TSPAN12: variants seen among roughly 807,000 people sequenced by gnomAD.
TSPAN12 encodes the protein tetraspanin-12.
TSPAN12 carries 19 observed loss-of-function variants against 39.2 expected under a neutral mutation model. That is an observed-to-expected ratio of 0.49 (90% CI 0.34 to 0.71). The LOEUF (loss-of-function observed/expected upper bound fraction) is 0.71, where lower values mean the gene tolerates loss of function less well. Ranked by LOEUF, TSPAN12 falls within the 30% of genes least tolerant of loss-of-function variation. The probability of loss-of-function intolerance (pLI) is 0.01; values close to 1 mark genes in which losing one functional copy is unlikely to be tolerated. For missense variants in TSPAN12, 314 were observed against 359.9 expected (o/e 0.87, Z 1.03); for synonymous variants, 119 against 124.8 (o/e 0.95, Z 0.31).
intron 2 of TSPAN12, among the ~76,000 whole-genome samples, chr7:120,847,548 T>C (rs1368306729): frequency 3.3e-5 from 5 of 152,190 alleles, no homozygotes; most frequent in Non-Finnish European, 5.9e-5. Flanking sequence ...AATGGTATAA[T>C]CAATCCTTCA....
Position 120,822,816 on chromosome 7 carries a change from T to C in TSPAN12, c.286-7013A>G, listed in dbSNP as rs147404636. On this transcript the variant is annotated intron_variant, in intron 4 of 7. Transcript: ENST00000222747. ...AGACACTAAAATAGAGAGTCAGGATTGGGGACAGCAGGTATAGTAGATGAC... is the reference window on the plus strand; with the variant it reads ...AGACACTAAAATAGAGAGTCAGGATCGGGGACAGCAGGTATAGTAGATGAC... Among the ~76,000 whole-genome samples, 182 of 152,150 alleles carry C rather than the reference T, an allele frequency of 1.2e-3. 1 individual carries two copies. Among genetic ancestry groups the C allele is most frequent in the African/African-American group, 4.0e-3 (167 of 41,504 alleles).
intron 4 of TSPAN12, among the ~76,000 whole-genome samples, chr7:120,828,700 G>C (rs1584942874): frequency 8.6e-6 from 1 of 116,768 alleles, no homozygotes; most frequent in African/African-American, 3.4e-5. Context: ...AAAACACAAA[G>C]AGAGAACTTT....
intron 2 of TSPAN12, among the ~76,000 whole-genome samples, chr7:120,850,532 G>A (rs895845300): frequency 3.3e-5 from 5 of 152,146 alleles, no homozygotes; most frequent in African/African-American, 1.2e-4. Flanking sequence ...AATGAGGGAG[G>A]AGCCTATTGC....
intron 4 of TSPAN12, among the ~76,000 whole-genome samples, chr7:120,821,631 T>A (rs1794189545): frequency 6.6e-6 from 1 of 152,156 alleles, no homozygotes; most frequent in Non-Finnish European, 1.5e-5. Flanking sequence ...AAGTGCTGCT[T>A]CCTTGTAAGC....
chr7:120,808,266 A>G (rs1385028419), intron 6 of TSPAN12, among the ~76,000 whole-genome samples: 1 of 152,184 alleles, frequency 6.6e-6, no homozygotes, highest in African/African-American at 2.4e-5. Context: ...CTTTCTCATT[A>G]TAAGTATACG....
At chr7:120,815,643 C>T (rs150457239) in intron 5 of TSPAN12, 86 bp downstream of exon 5, 284 of 1,196,436 alleles carry the variant, frequency 2.4e-4, no homozygotes, top group Middle Eastern at 2.3e-3. Flanking sequence ...TCTTTCATAG[C>T]GGAGTGAAAA....
Position 120,838,861 on chromosome 7 carries a change from C to T in TSPAN12, c.201G>A (p.Met67Ile). 6.2e-7 allele frequency: 1 copy of T among 1,613,964 alleles called. No homozygotes were observed. The part of the protein sequence containing the change: ...LTYFPVVHPV[M>I]IAVCCFLIIV... ...TGATAAGGAAACAGCAAACAGCAAT[C>T]ATGACCGGATGAACCACAGGAAAGT... The change falls in exon 4 of 8, where the codon ATG becomes ATA. Residue 67 changes from methionine (M) to isoleucine (I), a missense_variant. Met to Ile is a conservative substitution (Grantham distance 10). Transcript: ENST00000222747.
intron 2 of TSPAN12, among the ~76,000 whole-genome samples, chr7:120,851,119 A>T (rs990900539): frequency 6.6e-6 from 1 of 152,258 alleles, no homozygotes; most frequent in Non-Finnish European, 1.5e-5. Flanking sequence ...AGTTGGGGAC[A>T]CCAATTTAAA....
intron 7 of TSPAN12, among the ~76,000 whole-genome samples, chr7:120,790,849 C>T (rs1793508483): frequency 6.6e-6 from 1 of 152,148 alleles, no homozygotes; most frequent in Non-Finnish European, 1.5e-5. Flanking sequence ...AACATCATTA[C>T]CAAATAATGT....
intron 6 of TSPAN12, among the ~76,000 whole-genome samples, chr7:120,810,164 T>A (rs1793951150): frequency 6.6e-6 from 1 of 152,198 alleles, no homozygotes; most frequent in Non-Finnish European, 1.5e-5. Context: ...AACTTGGATA[T>A]TTATCAAGTT....
intron 2 of TSPAN12, among the ~76,000 whole-genome samples, chr7:120,853,487 T>C (rs948299457): frequency 2.1e-5 from 3 of 142,864 alleles, no homozygotes; most frequent in African/African-American, 7.7e-5. Flanking sequence ...TATATATATA[T>C]ATATATACAC....
rs1329461413 is a variant in TSPAN12 at position 120,787,693 on chromosome 7, C to G, written c.*899G>C. The G allele has an allele frequency of 5.3e-5, 8 of 152,180 alleles. No individual in the cohort carries two copies. The allele number at this position is 152,180 out of a possible 1,614,324, so 9.4% of individuals were successfully genotyped here. On this transcript the variant is annotated 3_prime_UTR_variant, in exon 8 of 8. Transcript: ENST00000222747. The stretch of plus-strand genomic sequence containing the variant: ...CTTCATTTGGGAGAAAAACAGCATA[C>G]AAGTCCTTTCTGAATCAACTAAGTT...
At position 120,846,843 on chromosome 7, in the gene TSPAN12, G is replaced by A. The variant is rs540199843; in HGVS notation, c.67-6734C>T. Among the ~76,000 whole-genome samples, 11 of 152,268 alleles carry A rather than the reference G, an allele frequency of 7.2e-5. No homozygotes were observed. In the East Asian group the frequency reaches 1.3e-3, roughly 19 times the overall value. On this transcript the variant is annotated intron_variant, in intron 2 of 7. Coordinates refer to ENST00000222747, the MANE Select transcript of TSPAN12 (RefSeq NM_012338.4). Reference sequence around the variant, plus strand: ...TTTGGGAGGGCCTGACCCATTCCACGGGGTCAAAGGAACTTCTCTAAGAGA... The same window carrying A: ...TTTGGGAGGGCCTGACCCATTCCACAGGGTCAAAGGAACTTCTCTAAGAGA...
chr7:120,803,420 C>T (rs1793812179), intron 7 of TSPAN12, among the ~76,000 whole-genome samples: 2 of 152,142 alleles, frequency 1.3e-5, no homozygotes, highest in Admixed American at 1.3e-4. Context: ...ACTGAATGAT[C>T]TCTGGACACA....
chr7:120,822,774 G>A (rs1300950557), intron 4 of TSPAN12, among the ~76,000 whole-genome samples: 1 of 152,126 alleles, frequency 6.6e-6, no homozygotes, highest in Non-Finnish European at 1.5e-5. Flanking sequence ...CACCAATAGA[G>A]ATGCTTGAGG....
chr7:120,800,315 C>T (rs1168238010), intron 7 of TSPAN12, among the ~76,000 whole-genome samples: 1 of 152,142 alleles, frequency 6.6e-6, no homozygotes, highest in Non-Finnish European at 1.5e-5. Flanking sequence ...TCAGGCTCCA[C>T]TGAGTTCTTT....
At chr7:120,800,502 C>A (rs1318535656) in intron 7 of TSPAN12, among the ~76,000 whole-genome samples, 1 of 152,060 alleles carries the variant, frequency 6.6e-6, no homozygotes, top group African/African-American at 2.4e-5. Flanking sequence ...TCTGATCACC[C>A]TGGCCTGCCT....
At chr7:120,855,319 CAAAG>C in intron 2 of TSPAN12, among the ~76,000 whole-genome samples, 1 of 152,258 alleles carries the variant, frequency 6.6e-6, no homozygotes, top group East Asian at 1.9e-4. Flanking sequence ...TCCTCACTCA[CAAAG>C]GAAGGACGTT....
At chr7:120,802,947 T>C (rs2116335787) in intron 7 of TSPAN12, among the ~76,000 whole-genome samples, 1 of 152,314 alleles carries the variant, frequency 6.6e-6, no homozygotes, top group East Asian at 1.9e-4. Context: ...AATGATTTAT[T>C]TCCTTGACTT....
Sources: allele counts gnomAD v4.1 joint callset (sites outside exome capture counted in the v4.1 genomes callset), GRCh38; gene constraint gnomAD v4.1.1; transcripts MANE v1.5; gene names NCBI Gene and HGNC (gene_info 2026-07-23, HGNC 2026-07-21).